The following KDM4C variants were observed in gnomAD, a reference collection of about 807,000 sequenced individuals.
KDM4C encodes lysine demethylase 4C, also known as lysine-specific demethylase 4C.
KDM4C carries 81 observed loss-of-function variants against 129.3 expected under a neutral mutation model. That is an observed-to-expected ratio of 0.63 (90% CI 0.52 to 0.75). KDM4C has a LOEUF of 0.75. Among genes scored for constraint, KDM4C ranks in the 30% least tolerant of loss-of-function variants. The pLI is 0.00. For missense variants in KDM4C, 1,457 were observed against 1,304.0 expected (o/e 1.12, Z -1.81); for synonymous variants, 573 against 456.1 (o/e 1.26, Z -3.26).
intron 17 of KDM4C, among the ~76,000 whole-genome samples, chr9:7,101,498 A>G (rs1049109867): frequency 6.6e-6 from 1 of 152,232 alleles, no homozygotes; most frequent in Non-Finnish European, 1.5e-5. Context: ...CTCAACTCTG[A>G]ATAAACATCT....
At chr9:6,852,765 G>T (rs1839084907) in intron 5 of KDM4C, among the ~76,000 whole-genome samples, 1 of 152,144 alleles carries the variant, frequency 6.6e-6, no homozygotes, top group Non-Finnish European at 1.5e-5. Context: ...ACCAGGCTCT[G>T]GATGGGATTA....
intron 4 of KDM4C, among the ~76,000 whole-genome samples, chr9:6,815,959 T>A (rs1452235870): frequency 6.6e-6 from 1 of 152,242 alleles, no homozygotes. Flanking sequence ...CTGAATTATA[T>A]AAGCATGTAT....
intron 21 of KDM4C, chr9:7,170,324 C>T (rs1287252300): frequency 3.1e-5 from 32 of 1,023,772 alleles, no homozygotes; most frequent in East Asian, 9.8e-5. Context: ...CATGGATTGA[C>T]TACCTTCTGT....
intron 8 of KDM4C, among the ~76,000 whole-genome samples, chr9:6,905,914 C>G (rs1223788237): frequency 6.6e-6 from 1 of 151,994 alleles, no homozygotes; most frequent in Non-Finnish European, 1.5e-5. Flanking sequence ...TTAGAGTGGC[C>G]TCTGTGTAAA....
intron 8 of KDM4C, among the ~76,000 whole-genome samples, chr9:6,944,579 A>C (rs537740748): frequency 6.7e-6 from 1 of 150,338 alleles, no homozygotes; most frequent in South Asian, 2.1e-4. Flanking sequence ...TAGGGATAAA[A>C]ATTTAACTTG....
chr9:6,780,760 C>G lies in KDM4C; in HGVS notation c.-17-12212C>G, dbSNP rs1282191554. Among the ~76,000 whole-genome samples, 4 of 117,794 alleles carry G rather than the reference C, an allele frequency of 3.4e-5. No individual in the cohort carries two copies. In the East Asian group the frequency reaches 1.0e-3, roughly 30 times the overall value. 77.3% of individuals were successfully genotyped at this position (117,794 alleles called of 152,430 possible). On this transcript the variant is annotated intron_variant, in intron 1 of 21. Transcript: ENST00000381309. ...TCCAGCCTGGGCAACAAGAGTGAAA[C>G]TCCCTCTCAAAAAAAAAAAAAAAAA...
At chr9:7,075,817 T>G (rs956642867) in intron 17 of KDM4C, among the ~76,000 whole-genome samples, 2 of 152,078 alleles carry the variant, frequency 1.3e-5, no homozygotes, top group Admixed American at 1.3e-4. Context: ...GGATTTTTTT[T>G]TTTTCTTTTT....
intron 1 of KDM4C, among the ~76,000 whole-genome samples, chr9:6,777,019 T>A (rs768968168): frequency 9.2e-5 from 14 of 152,194 alleles, no homozygotes; most frequent in Non-Finnish European, 2.1e-4. Flanking sequence ...GTTTTTATTG[T>A]CTTGTATTGT....
rs116809899 is a variant in KDM4C, at chr9:6,907,761, A to G, written c.921+14529A>G. 4.1e-3 allele frequency among the ~76,000 whole-genome samples: 630 copies of G among 152,360 alleles called. 3 individuals are homozygous for G. Among genetic ancestry groups the G allele is most frequent in the African/African-American group, 0.014 (597 of 41,588 alleles). ...TAAAGTGGAATTCTGTGTTGAAACT[A>G]TATTCAGATAAAATGGCGTTCTTTA... On this transcript the variant is annotated intron_variant, in intron 8 of 21. Coordinates refer to ENST00000381309, the MANE Select transcript of KDM4C (RefSeq NM_015061.6).
intron 1 of KDM4C, among the ~76,000 whole-genome samples, chr9:6,739,929 T>G (rs1817632843): frequency 6.6e-6 from 1 of 152,194 alleles, no homozygotes; most frequent in African/African-American, 2.4e-5. Context: ...CTCACTCTGT[T>G]GCCAGGCTGG....
intron 5 of KDM4C, among the ~76,000 whole-genome samples, chr9:6,857,114 C>T (rs1040198901): frequency 6.6e-6 from 1 of 152,052 alleles, no homozygotes; most frequent in Admixed American, 6.6e-5. Flanking sequence ...CTGCCTTGGC[C>T]CCCCGAAGTC....
intron 4 of KDM4C, among the ~76,000 whole-genome samples, chr9:6,845,757 T>C: frequency 6.6e-6 from 1 of 152,198 alleles, no homozygotes; most frequent in East Asian, 1.9e-4. Flanking sequence ...GGCTTAGGAC[T>C]CCAGTTAGTC....
intron 18 of KDM4C, 82 bp from the exon 19 acceptor site, chr9:7,127,984 C>T (rs1840199481): frequency 2.6e-6 from 3 of 1,165,538 alleles, no homozygotes; most frequent in East Asian, 3.1e-5. Context: ...GATTGTTTTT[C>T]AAATGAATAT....
At chr9:6,952,147 C>A (rs942150630) in intron 8 of KDM4C, among the ~76,000 whole-genome samples, 1 of 151,910 alleles carries the variant, frequency 6.6e-6, no homozygotes, top group Non-Finnish European at 1.5e-5. Flanking sequence ...ACAAAATGCA[C>A]CCCCTACAAC....
intron 8 of KDM4C, among the ~76,000 whole-genome samples, chr9:6,897,369 G>A (rs773418328): frequency 1.3e-5 from 2 of 152,068 alleles, no homozygotes. Context: ...TCTCATTTCT[G>A]TCTTTGCTTG....
chr9:7,148,006 C>T (rs926559396), intron 19 of KDM4C, among the ~76,000 whole-genome samples: 58 of 152,322 alleles, frequency 3.8e-4, no homozygotes, highest in Admixed American at 2.7e-3. Context: ...AGGCTTGGAG[C>T]GGCGAGGTTG....
At chr9:6,965,112 C>G (rs956813068) in intron 8 of KDM4C, among the ~76,000 whole-genome samples, 2 of 151,542 alleles carry the variant, frequency 1.3e-5, no homozygotes, top group African/African-American at 2.4e-5. Context: ...GCTTTGTTTC[C>G]CATTACTCTT....
At chr9:6,854,788 A>T (rs73639383) in intron 5 of KDM4C, among the ~76,000 whole-genome samples, 2,742 of 152,326 alleles carry the variant, frequency 0.018, 81 homozygotes, top group African/African-American at 0.063. Flanking sequence ...GATACACATT[A>T]GTTCAATGCT....
intron 5 of KDM4C, among the ~76,000 whole-genome samples, chr9:6,864,239 C>G (rs988625880): frequency 2.0e-5 from 3 of 151,168 alleles, no homozygotes; most frequent in African/African-American, 7.4e-5. Context: ...GACTTTATCA[C>G]TCCTTTATGT....
Sources: allele counts gnomAD v4.1 joint callset (sites outside exome capture counted in the v4.1 genomes callset), GRCh38; gene constraint gnomAD v4.1.1; transcripts MANE v1.5; gene names NCBI Gene and HGNC (gene_info 2026-07-23, HGNC 2026-07-21).